The following HSF2 variants were observed in gnomAD, a reference collection of about 807,000 sequenced individuals.
HSF2 encodes heat shock transcription factor 2.
HSF2 carries 21 observed loss-of-function variants against 65.0 expected under a neutral mutation model. That is an observed-to-expected ratio of 0.32 (90% CI 0.23 to 0.47). The LOEUF (loss-of-function observed/expected upper bound fraction) is 0.47. Ranked by LOEUF, HSF2 falls within the 20% of genes least tolerant of loss-of-function variation. The pLI is 1.00. For missense variants in HSF2, 499 were observed against 628.1 expected, an observed-to-expected ratio of 0.79 and a Z score of 2.20; for synonymous variants, 225 against 219.1, an observed-to-expected ratio of 1.03 and a Z score of -0.24.
intron 1 of HSF2, among the ~76,000 whole-genome samples, chr6:122,406,924 A>C (rs1455106872): frequency 1.3e-5 from 2 of 152,148 alleles, no homozygotes; most frequent in African/African-American, 4.8e-5. Flanking sequence ...TGACTTCCAC[A>C]CTCCAAAATG....
intron 1 of HSF2, among the ~76,000 whole-genome samples, chr6:122,400,522 T>C (rs1016210415): frequency 1.3e-5 from 2 of 152,208 alleles, no homozygotes; most frequent in African/African-American, 4.8e-5. Context: ...AGTTACTAAA[T>C]TTCGCTGAAC....
At chr6:122,429,829 GA>G (rs1163490996) in intron 11 of HSF2, among the ~76,000 whole-genome samples, 1 of 152,150 alleles carries the variant, frequency 6.6e-6, no homozygotes, top group African/African-American at 2.4e-5. Flanking sequence ...TGTGTATGTT[GA>G]ACCAGCCTTA....
Position 122,431,501 on chromosome 6 carries a change from TA to T in HSF2, c.1305del (p.Lys435AsnfsTer43). 1 of 1,579,094 alleles carries T rather than the reference TA, an allele frequency of 6.3e-7. No homozygotes were observed. Among genetic ancestry groups the T allele is most frequent in the Non-Finnish European group, 8.7e-7 (1 of 1,152,312 alleles). On this transcript the variant is annotated frameshift_variant, in exon 12 of 13. Coordinates refer to ENST00000368455, the MANE Select transcript of HSF2 (RefSeq NM_004506.4). LOFTEE classifies it high-confidence loss of function. ...CAGTTTCGGAAGAGGGAAGAAAATC[TA>T]AATCCAAACCAGGTAGGTATAAATA... ...QPVSEEGRKS[K>X]SKPDKQLIQY...
chr6:122,423,670 C>G lies in HSF2; in HGVS notation c.1160C>G (p.Pro387Arg). ...TCAGGAAGACAATTTAGCATAGACC[C>G]AGATCTCCTGGTTGATGTAGGTACT... The part of the protein sequence containing the change: ...MLSGRQFSID[P>R]DLLVDLFTSS... Residue 387 changes from proline to arginine, a missense_variant, in exon 10 of 13, where the codon CCA becomes CGA. This residue lies in a region of HSF2 where 349 missense variants were observed against 393.5 expected (regional missense o/e 0.89). Transcript: ENST00000368455. 1.2e-6 allele frequency: 2 copies of G among 1,600,628 alleles called. No homozygotes were observed. Among genetic ancestry groups the G allele is most frequent in the Non-Finnish European group, 1.7e-6 (2 of 1,169,800 alleles).
chr6:122,431,897 TAA>T (rs756965965), intron 12 of HSF2, 26 bp from the exon 13 acceptor site: 34 of 1,590,758 alleles, frequency 2.1e-5, no homozygotes, highest in Non-Finnish European at 2.7e-5. Flanking sequence ...AAGCTGGTGA[TAA>T]AAGAGTGTTT....
chr6:122,407,727 A>G (rs9388071), intron 1 of HSF2, among the ~76,000 whole-genome samples: 20,209 of 151,982 alleles, frequency 0.13, 1,446 homozygotes, highest in East Asian at 0.21. Flanking sequence ...TCCTTTTCCA[A>G]TGATCTATAT....
intron 10 of HSF2, among the ~76,000 whole-genome samples, chr6:122,427,287 G>C (rs1286702635): frequency 1.3e-5 from 2 of 152,028 alleles, no homozygotes; most frequent in Non-Finnish European, 2.9e-5. Flanking sequence ...AAATTTCTAT[G>C]GAATGAATGA....
chr6:122,425,817 G>A (rs1347594655), intron 10 of HSF2, among the ~76,000 whole-genome samples: 1 of 152,012 alleles, frequency 6.6e-6, no homozygotes, highest in African/African-American at 2.4e-5. Flanking sequence ...TTTCAAATGT[G>A]TATATCCAGC....
At chr6:122,414,709 C>G (rs949111472) in intron 4 of HSF2, among the ~76,000 whole-genome samples, 1 of 152,132 alleles carries the variant, frequency 6.6e-6, no homozygotes, top group Non-Finnish European at 1.5e-5. Context: ...TCACTGCAAT[C>G]TCCGCCTGCC....
chr6:122,420,214 C>G lies in HSF2; in HGVS notation c.673C>G (p.His225Asp). ...HIVKEPTDNHHHKVPHSRTEG... is the reference protein window; with the variant it reads ...HIVKEPTDNHDHKVPHSRTEG... ...AGTCAAAGAACCAACTGATAATCAT[C>G]ATCATAAAGTAATTTTTTAGTTAGG... is the stretch of plus-strand genomic sequence containing the variant. Residue 225 changes from histidine (H) to aspartate (D), a missense_variant, in exon 7 of 13, where the codon CAT (histidine) becomes GAT (aspartate). By Grantham distance (81) the His-to-Asp change is moderately conservative. This residue lies in a region of HSF2 where 349 missense variants were observed against 393.5 expected (regional missense o/e 0.89). Coordinates refer to ENST00000368455, the MANE Select transcript of HSF2 (RefSeq NM_004506.4). 1 of 1,593,648 alleles carries G rather than the reference C, an allele frequency of 6.3e-7. No homozygotes were observed. The highest frequency in any genetic ancestry group is 8.6e-7 in the Non-Finnish European group (1 of 1,163,836).
chr6:122,402,706 C>G (rs1398934188), intron 1 of HSF2, among the ~76,000 whole-genome samples: 2 of 152,024 alleles, frequency 1.3e-5, no homozygotes, highest in African/African-American at 4.8e-5. Flanking sequence ...ATGCGCACCA[C>G]CATGCCTGGC....
Position 122,399,680 on chromosome 6 carries a change from C to A in HSF2, c.-58C>A, listed in dbSNP as rs1019421272. 84 of 1,434,774 alleles carry A rather than the reference C, an allele frequency of 5.9e-5. No homozygotes were observed. Among genetic ancestry groups the A allele is most frequent in the Non-Finnish European group, 7.6e-5 (78 of 1,029,204 alleles). The allele number at this position is 1,434,774 out of a possible 1,614,324, so 88.9% of individuals were successfully genotyped here. A position where few individuals can be genotyped will look rare whatever the true frequency, so the allele number is the denominator to read the frequency against. ...CTCGGGGAGCTGCTGCCGTAGCTGC[C>A]GCCGCCGCTACCACCGCGTTCGGGT... is the stretch of plus-strand genomic sequence containing the variant. On this transcript the variant is annotated 5_prime_UTR_variant, in exon 1 of 13. Transcript: ENST00000368455.
chr6:122,409,283 C>A (rs972440261), intron 1 of HSF2, among the ~76,000 whole-genome samples: 1 of 151,832 alleles, frequency 6.6e-6, no homozygotes, highest in Non-Finnish European at 1.5e-5. Flanking sequence ...GTTAGTTGTA[C>A]CAAATGAAAT....
At chr6:122,428,072 AG>A (rs1774377571) in intron 11 of HSF2, 116 bp downstream of exon 11, 1 of 553,966 alleles carries the variant, frequency 1.8e-6, no homozygotes, top group African/African-American at 2.0e-5. Context: ...ATTCTTACCC[AG>A]TATGTGTGAT....
intron 1 of HSF2, 139 bp downstream of exon 1, chr6:122,399,969 C>A: frequency 2.9e-6 from 2 of 688,296 alleles, no homozygotes; most frequent in Non-Finnish European, 2.5e-6. Flanking sequence ...CGTTCAGCCT[C>A]GCGGGGGACC....
intron 3 of HSF2, 81 bp downstream of exon 3, chr6:122,412,845 G>C: frequency 7.8e-7 from 1 of 1,275,456 alleles, no homozygotes; most frequent in Non-Finnish European, 1.1e-6. Context: ...GCTGTTGAAA[G>C]TACAGAAATG....
rs538570499 is a variant in HSF2 at position 122,428,828 on chromosome 6, A to G, written c.1230+872A>G. On this transcript the variant is annotated intron_variant, in intron 11 of 12. Transcript: ENST00000368455. The stretch of plus-strand genomic sequence containing the variant: ...CCTGACCAGACTGTCTATATCTTCA[A>G]AGTTACATTGTGGATAACTTAGAGC... 3.4e-4 allele frequency among the ~76,000 whole-genome samples: 51 copies of G among 152,192 alleles called. 1 individual carries two copies. The South Asian group carries it at 6.0e-3, about 18-fold the overall frequency.
At chr6:122,419,415 T>A in intron 6 of HSF2, among the ~76,000 whole-genome samples, 186 bp downstream of exon 6, 1 of 152,182 alleles carries the variant, frequency 6.6e-6, no homozygotes, top group Admixed American at 6.5e-5. Context: ...ATTCTGCTGA[T>A]GTTTGTGAGA....
rs1554209875 is a variant in HSF2, at chr6:122,431,415, A to ATG, written c.1231-14_1231-13insGT. ...ATATGAAACAAGTACTTATATATAT[A>ATG]TTTTTTTCTTTTAGTCTGAGAATAA... On this transcript the variant is annotated splice_polypyrimidine_tract_variant and intron_variant, in intron 11 of 12. Transcript: ENST00000368455. 10 of 1,344,522 alleles carry ATG rather than the reference A, an allele frequency of 7.4e-6. No individual in the cohort carries two copies. The South Asian group carries it at 1.5e-4, about 21-fold the overall frequency. The allele number at this position is 1,344,522 out of a possible 1,614,324, so 83.3% of individuals were successfully genotyped here. A position where few individuals can be genotyped will look rare whatever the true frequency, so the allele number is the denominator to read the frequency against.
Sources: allele counts gnomAD v4.1 joint callset (sites outside exome capture counted in the v4.1 genomes callset), GRCh38; gene constraint gnomAD v4.1.1; regional missense constraint gnomAD v4.1.1; transcripts MANE v1.5; gene names NCBI Gene and HGNC (gene_info 2026-07-23, HGNC 2026-07-21).